MYO3B: variants seen among roughly 807,000 people sequenced by gnomAD.
The protein encoded by MYO3B is myosin IIIB.
A neutral mutation model predicts 174.6 loss-of-function variants in MYO3B; 156 were observed. The observed-to-expected ratio is 0.89, with a 90% CI of 0.78 to 1.02. MYO3B has a LOEUF of 1.02. Ranked by LOEUF, MYO3B falls within the 50% of genes least tolerant of loss-of-function variation. MYO3B has a pLI of 0.00. For synonymous variants in MYO3B, 563 were observed against 569.1 expected (o/e 0.99, Z 0.15); for missense variants, 1,632 against 1,639.4 (o/e 1.00, Z 0.08).
At chr2:170,203,054 T>C (rs2092678875) in intron 3 of MYO3B, among the ~76,000 whole-genome samples, 1 of 152,174 alleles carries the variant, frequency 6.6e-6, no homozygotes, top group African/African-American at 2.4e-5. Flanking sequence ...ACACCTACTA[T>C]ATTGGAAAGA....
chr2:170,363,627 T>C (rs969089445), intron 8 of MYO3B, among the ~76,000 whole-genome samples: 36 of 152,176 alleles, frequency 2.4e-4, no homozygotes, highest in Admixed American at 1.2e-3. Flanking sequence ...TTTAATGTGG[T>C]GACACTAATA....
chr2:170,443,196 G>A (rs546753150), intron 22 of MYO3B, among the ~76,000 whole-genome samples: 8 of 152,292 alleles, frequency 5.3e-5, no homozygotes, highest in Non-Finnish European at 7.3e-5. Flanking sequence ...TCTAACTGGC[G>A]TGAGATGGTA....
chr2:170,573,863 G>A (rs1229507178), intron 32 of MYO3B, among the ~76,000 whole-genome samples: 1 of 152,126 alleles, frequency 6.6e-6, no homozygotes, highest in Non-Finnish European at 1.5e-5. Flanking sequence ...TCATTCTCAA[G>A]TTAATTATTA....
intron 3 of MYO3B, among the ~76,000 whole-genome samples, chr2:170,203,500 G>C (rs1238418056): frequency 4.9e-5 from 7 of 141,836 alleles, no homozygotes; most frequent in Non-Finnish European, 4.6e-5. Flanking sequence ...GGGGGCGGCG[G>C]GGGGGGGAGG....
intron 7 of MYO3B, among the ~76,000 whole-genome samples, chr2:170,252,591 C>A (rs367671098): frequency 6.6e-6 from 1 of 152,050 alleles, no homozygotes; most frequent in East Asian, 1.9e-4. Flanking sequence ...ACAAAACAGT[C>A]CCTGTCCTCT....
chr2:170,250,550 G>A (rs1435795724), intron 7 of MYO3B, among the ~76,000 whole-genome samples: 2 of 152,220 alleles, frequency 1.3e-5, no homozygotes, highest in Admixed American at 1.3e-4. Flanking sequence ...GCCCAAGTGG[G>A]CGTGTGTTAC....
At chr2:170,628,968 C>T (rs1056094747) in intron 32 of MYO3B, among the ~76,000 whole-genome samples, 8 of 152,056 alleles carry the variant, frequency 5.3e-5, no homozygotes, top group Non-Finnish European at 8.8e-5. Flanking sequence ...CCTATGAAAA[C>T]CAAAAGTCTC....
chr2:170,612,837 C>T (rs1695206057), intron 32 of MYO3B, among the ~76,000 whole-genome samples: 1 of 152,340 alleles, frequency 6.6e-6, no homozygotes, highest in South Asian at 2.1e-4. Flanking sequence ...GTGCAGCTTT[C>T]TTAGCAGAGC....
At chr2:170,550,587 T>G (rs1213477447) in intron 32 of MYO3B, among the ~76,000 whole-genome samples, 1 of 152,220 alleles carries the variant, frequency 6.6e-6, no homozygotes, top group Non-Finnish European at 1.5e-5. Context: ...TCCTCATTCA[T>G]TCAACAAACA....
rs745583332 is a variant in MYO3B at position 170,383,069 on chromosome 2, T to C, written c.1069-4T>C. ...TACCTCAATACCATTTATCCTCTTC[T>C]TAGGATACAATTATCCATCAGTTGC... On this transcript the variant is annotated splice_polypyrimidine_tract_variant and splice_region_variant and intron_variant, in intron 10 of 34. Transcript: ENST00000408978. The C allele has an allele frequency of 3.9e-6, 6 of 1,557,182 alleles. No individual in the cohort carries two copies. Among genetic ancestry groups the C allele is most frequent in the Non-Finnish European group, 4.4e-6 (5 of 1,128,662 alleles).
At chr2:170,420,399 A>G (rs1271888997) in intron 22 of MYO3B, among the ~76,000 whole-genome samples, 1 of 152,040 alleles carries the variant, frequency 6.6e-6, no homozygotes, top group Admixed American at 6.6e-5. Flanking sequence ...ACCCACAGAG[A>G]ACTGAGATGT....
At position 170,561,901 on chromosome 2, in the gene MYO3B, T is replaced by G. The variant is rs185382275; in HGVS notation, c.3733+17913T>G. On this transcript the variant is annotated intron_variant, in intron 32 of 34. Coordinates refer to ENST00000408978, the MANE Select transcript of MYO3B (RefSeq NM_138995.5). ...GTTTCTCAAAAATGCCAAGGCAGGT[T>G]GCTATAGTCTTTTTCTTCTTCATTA... Among the ~76,000 whole-genome samples the G allele has an allele frequency of 5.9e-5, 9 of 152,276 alleles. No homozygotes were observed. In the East Asian group the frequency reaches 1.4e-3, roughly 23 times the overall value.
intron 25 of MYO3B, among the ~76,000 whole-genome samples, chr2:170,489,915 C>G (rs534841444): frequency 6.6e-6 from 1 of 151,970 alleles, no homozygotes; most frequent in South Asian, 2.1e-4. Flanking sequence ...CTTTTTTTAG[C>G]CAATGTTTTG....
intron 32 of MYO3B, among the ~76,000 whole-genome samples, chr2:170,585,914 C>T (rs1329568008): frequency 3.9e-5 from 6 of 152,104 alleles, no homozygotes; most frequent in South Asian, 2.1e-4. Context: ...AAAAGTTTGC[C>T]GGGCATGGTG....
intron 6 of MYO3B, among the ~76,000 whole-genome samples, chr2:170,230,436 C>G (rs1341575949): frequency 7.0e-6 from 1 of 143,752 alleles, no homozygotes; most frequent in African/African-American, 2.6e-5. Context: ...CTACCTTGGC[C>G]TCCCAAAGTG....
At chr2:170,274,560 A>T (rs1270210481) in intron 7 of MYO3B, among the ~76,000 whole-genome samples, 1 of 152,128 alleles carries the variant, frequency 6.6e-6, no homozygotes, top group African/African-American at 2.4e-5. Context: ...GCACCCAGAA[A>T]ATTATTCTGT....
intron 16 of MYO3B, among the ~76,000 whole-genome samples, chr2:170,394,705 C>A (rs1024215180): frequency 1.3e-5 from 2 of 152,168 alleles, no homozygotes; most frequent in Non-Finnish European, 2.9e-5. Flanking sequence ...TAAGCTGCAA[C>A]CTTAGAAATG....
chr2:170,454,969 C>G (rs541383921), intron 23 of MYO3B, among the ~76,000 whole-genome samples: 2 of 152,272 alleles, frequency 1.3e-5, no homozygotes, highest in South Asian at 4.1e-4. Flanking sequence ...GTTGAGGCCA[C>G]AAGACCAGAT....
chr2:170,431,602 A>T (rs2105885369), intron 22 of MYO3B, among the ~76,000 whole-genome samples: 1 of 152,354 alleles, frequency 6.6e-6, no homozygotes, highest in South Asian at 2.1e-4. Flanking sequence ...GGTGTTAATT[A>T]TGCAGAAATT....
Sources: allele counts gnomAD v4.1 joint callset (sites outside exome capture counted in the v4.1 genomes callset), GRCh38; gene constraint gnomAD v4.1.1; transcripts MANE v1.5; gene names NCBI Gene and HGNC (gene_info 2026-07-23, HGNC 2026-07-21).